Variants in HTR4 observed in about 807,000 individuals in gnomAD.
HTR4 encodes 5-hydroxytryptamine receptor 4, also known as 5-hydroxytryptamine (serotonin) receptor 4, G protein-coupled.
HTR4 carries 16 observed loss-of-function variants against 36.8 expected under a neutral mutation model. That is an observed-to-expected ratio of 0.43 (90% CI 0.29 to 0.66). HTR4 has a LOEUF of 0.66. Among genes scored for constraint, HTR4 ranks in the 30% least tolerant of loss-of-function variants. The pLI, the probability that HTR4 is intolerant of heterozygous loss-of-function variation, is 0.13. For missense variants in HTR4, 438 were observed against 490.9 expected (o/e 0.89, Z 1.02); for synonymous variants, 189 against 185.1 (o/e 1.02, Z -0.17).
In HTR4 at chr5:148,482,148, C is replaced by T; in HGVS notation, c.*1055G>A. 1.0e-6 allele frequency: 1 copy of T among 985,856 alleles called. No individual in the cohort carries two copies. Among genetic ancestry groups the T allele is most frequent in the Non-Finnish European group, 1.2e-6 (1 of 830,306 alleles). 61.1% of individuals were successfully genotyped at this position (985,856 alleles called of 1,614,324 possible). On this transcript the variant is annotated 3_prime_UTR_variant, in exon 7 of 7. Transcript: ENST00000377888. ...TCCTCTGGCTTCAAGTACAGCATTG[C>T]CTCGGCATCCCCAGTGCTGCTGGAT... is the stretch of plus-strand genomic sequence containing the variant.
chr5:148,610,265 A>G (rs1752366312), intron 2 of HTR4, among the ~76,000 whole-genome samples: 1 of 152,180 alleles, frequency 6.6e-6, no homozygotes, highest in Non-Finnish European at 1.5e-5. Context: ...AAGATGCGTG[A>G]TTTCTGCATT....
At chr5:148,613,721 G>C (rs868206810) in intron 2 of HTR4, among the ~76,000 whole-genome samples, 6,937 of 147,968 alleles carry the variant, frequency 0.047, 317 homozygotes, top group African/African-American at 0.12. Flanking sequence ...TATTCAATTA[G>C]GAAAAGAGGA....
intron 5 of HTR4, among the ~76,000 whole-genome samples, chr5:148,455,297 T>C (rs1755073934): frequency 6.6e-6 from 1 of 152,100 alleles, no homozygotes; most frequent in South Asian, 2.1e-4. Flanking sequence ...AATAGATCAC[T>C]TTCACTGGCA....
At chr5:148,579,475 CAAGT>C (rs1162469120) in intron 2 of HTR4, among the ~76,000 whole-genome samples, 14 of 152,114 alleles carry the variant, frequency 9.2e-5, no homozygotes, top group Admixed American at 7.2e-4. Context: ...GCATGTGGCC[CAAGT>C]AAACATATTA....
intron 2 of HTR4, among the ~76,000 whole-genome samples, chr5:148,572,794 C>G (rs1378575429): frequency 6.6e-6 from 1 of 152,090 alleles, no homozygotes; most frequent in Non-Finnish European, 1.5e-5. Context: ...CCTATTGATT[C>G]TAACATGTTT....
chr5:148,613,872 T>A (rs1752547838), intron 2 of HTR4, among the ~76,000 whole-genome samples: 1 of 152,058 alleles, frequency 6.6e-6, no homozygotes, highest in Admixed American at 6.5e-5. Flanking sequence ...TCACAAGCAT[T>A]CCTATATACC....
intron 2 of HTR4, among the ~76,000 whole-genome samples, chr5:148,581,008 CCAA>C (rs1761111887): frequency 7.7e-6 from 1 of 129,538 alleles, no homozygotes; most frequent in South Asian, 2.4e-4. Flanking sequence ...CACAACCTCA[CCAA>C]CATTTGCTGT....
At chr5:148,613,558 A>C (rs1176430794) in intron 2 of HTR4, among the ~76,000 whole-genome samples, 2 of 150,206 alleles carry the variant, frequency 1.3e-5, no homozygotes, top group East Asian at 3.9e-4. Flanking sequence ...TCTATGACAA[A>C]CCCACAGCCA....
At chr5:148,579,904 G>A (rs1761068357) in intron 2 of HTR4, among the ~76,000 whole-genome samples, 1 of 152,008 alleles carries the variant, frequency 6.6e-6, no homozygotes, top group Non-Finnish European at 1.5e-5. Context: ...CATCTGATTG[G>A]GTCTGGCCTA....
At chr5:148,600,091 T>C (rs118081862) in intron 2 of HTR4, among the ~76,000 whole-genome samples, 2,533 of 151,106 alleles carry the variant, frequency 0.017, 125 homozygotes, top group East Asian at 0.12. Flanking sequence ...AAAGGACAAC[T>C]AGAAAATAAA....
intron 3 of HTR4, among the ~76,000 whole-genome samples, chr5:148,549,570 T>C (rs1044301043): frequency 6.6e-5 from 10 of 152,216 alleles, no homozygotes; most frequent in African/African-American, 2.4e-4. Context: ...CCCTGGGGAG[T>C]TAACGCCTCT....
chr5:148,575,400 A>G (rs1760852983), intron 2 of HTR4, among the ~76,000 whole-genome samples: 3 of 152,058 alleles, frequency 2.0e-5, no homozygotes, highest in Admixed American at 2.0e-4. Context: ...AAACATGAAC[A>G]CATTCTTATT....
chr5:148,473,317 AAAG>A (rs1203082989), downstream of HTR4, among the ~76,000 whole-genome samples: 1 of 151,918 alleles, frequency 6.6e-6, no homozygotes, highest in Non-Finnish European at 1.5e-5. Context: ...AAAAAAAAAA[AAAG>A]AGGTAGAAGA....
chr5:148,452,779 C>T (rs1755004636), intron 5 of HTR4, among the ~76,000 whole-genome samples: 1 of 152,120 alleles, frequency 6.6e-6, no homozygotes, highest in Non-Finnish European at 1.5e-5. Context: ...TACTACTTGC[C>T]AGATAGGTCA....
At chr5:148,541,156 T>A (rs898875611) in intron 4 of HTR4, among the ~76,000 whole-genome samples, 2 of 152,156 alleles carry the variant, frequency 1.3e-5, no homozygotes, top group South Asian at 4.1e-4. Context: ...AAAACCTTTG[T>A]CACTTCTCCA....
chr5:148,568,657 G>C (rs1276270815), intron 2 of HTR4, among the ~76,000 whole-genome samples: 1 of 152,090 alleles, frequency 6.6e-6, no homozygotes, highest in Non-Finnish European at 1.5e-5. Context: ...ACACCAAATT[G>C]CCAATCTTTT....
intron 1 of HTR4, chr5:148,645,299 T>C (rs1198529549): frequency 1.3e-5 from 2 of 152,212 alleles, no homozygotes; most frequent in Non-Finnish European, 2.9e-5. Flanking sequence ...TGCTGTGTAG[T>C]ATGAAAACAG....
In HTR4 at chr5:148,572,426, T is replaced by A. The variant is rs549969229; in HGVS notation, c.27-22164A>T. Among the ~76,000 whole-genome samples, 35 of 152,238 alleles carry A rather than the reference T, an allele frequency of 2.3e-4. No homozygotes were observed. The Middle Eastern group carries it at 0.01, about 44-fold the overall frequency. ...GTCCAGAACAGGATATCTTAATCCC[T>A]ATGATAGACAAATGTAATAATATTT... On this transcript the variant is annotated intron_variant, in intron 2 of 6. Transcript: ENST00000377888.
intron 2 of HTR4, among the ~76,000 whole-genome samples, chr5:148,553,260 G>A (rs575291631): frequency 3.9e-5 from 6 of 152,262 alleles, no homozygotes; most frequent in Admixed American, 2.6e-4. Flanking sequence ...GGCCTGTGGC[G>A]GATTGCAGAC....
Sources: allele counts gnomAD v4.1 joint callset (sites outside exome capture counted in the v4.1 genomes callset), GRCh38; gene constraint gnomAD v4.1.1; transcripts MANE v1.5; gene names NCBI Gene and HGNC (gene_info 2026-07-23, HGNC 2026-07-21).